AP4E1: variants seen among roughly 807,000 people sequenced by gnomAD.
AP4E1 encodes the protein AP-4 complex subunit epsilon-1.
In AP4E1, 56 loss-of-function variants were observed where a neutral mutation model predicts 128.2. The ratio of observed to expected loss-of-function variants is 0.44; its 90% CI spans 0.35 to 0.55. The LOEUF (loss-of-function observed/expected upper bound fraction) is 0.55. Among genes scored for constraint, AP4E1 ranks in the 20% least tolerant of loss-of-function variants. AP4E1 has a pLI of 0.00. For missense variants in AP4E1, 1,324 were observed against 1,307.7 expected (o/e 1.01, Z -0.19); for synonymous variants, 484 against 473.1 (o/e 1.02, Z -0.30).
intron 1 of AP4E1, among the ~76,000 whole-genome samples, chr15:50,909,960 C>T (rs1294964353): frequency 1.3e-5 from 2 of 150,956 alleles, no homozygotes; most frequent in Non-Finnish European, 2.9e-5. Flanking sequence ...GTTGGGATTA[C>T]GTGCGTGAGC....
chr15:50,936,257 TTAAAG>T (rs1205877406), intron 8 of AP4E1, among the ~76,000 whole-genome samples: 1 of 152,164 alleles, frequency 6.6e-6, no homozygotes, highest in Non-Finnish European at 1.5e-5. Flanking sequence ...TTCCAGTAAG[TTAAAG>T]TAATTTAAAG....
chr15:50,909,916 A>G (rs1279350111), intron 1 of AP4E1, among the ~76,000 whole-genome samples: 1 of 151,828 alleles, frequency 6.6e-6, no homozygotes, highest in African/African-American at 2.4e-5. Context: ...CGATCTCCTG[A>G]CCTCGCGATC....
chr15:50,928,714 GTTT>G (rs10588492), intron 5 of AP4E1, among the ~76,000 whole-genome samples: 138 of 139,646 alleles, frequency 9.9e-4, no homozygotes, highest in African/African-American at 2.9e-3. Flanking sequence ...TGTTTTTCAT[GTTT>G]TTTTTTTTTT....
intron 15 of AP4E1, among the ~76,000 whole-genome samples, chr15:50,979,799 A>T (rs758130721): frequency 2.0e-5 from 3 of 152,174 alleles, no homozygotes; most frequent in Non-Finnish European, 4.4e-5. Context: ...TGCTGGAATT[A>T]CCACCCGGCC....
intron 17 of AP4E1, among the ~76,000 whole-genome samples, chr15:50,994,832 A>G (rs1471716267): frequency 6.6e-6 from 1 of 152,216 alleles, no homozygotes; most frequent in African/African-American, 2.4e-5. Context: ...TTAGGAGAAC[A>G]TTCAGGGTGA....
At chr15:50,913,466 G>T (rs1214457452) in intron 2 of AP4E1, among the ~76,000 whole-genome samples, 1 of 152,210 alleles carries the variant, frequency 6.6e-6, no homozygotes, top group Non-Finnish European at 1.5e-5. Context: ...GAGTTTGAAA[G>T]GAAGGTTTTA....
intron 8 of AP4E1, among the ~76,000 whole-genome samples, chr15:50,936,380 A>G (rs1322287474): frequency 6.6e-6 from 1 of 151,648 alleles, no homozygotes; most frequent in Non-Finnish European, 1.5e-5. Flanking sequence ...TCCCTTGCAG[A>G]AAGTTTTTTT....
At chr15:50,982,117 C>T (rs1424768697) in intron 15 of AP4E1, among the ~76,000 whole-genome samples, 1 of 137,466 alleles carries the variant, frequency 7.3e-6, no homozygotes, top group Non-Finnish European at 1.6e-5. Flanking sequence ...AAAGCAAGTT[C>T]AGCCCTCTCT....
At chr15:50,922,457 T>C (rs1474453438) in intron 3 of AP4E1, among the ~76,000 whole-genome samples, 1 of 152,090 alleles carries the variant, frequency 6.6e-6, no homozygotes, top group Non-Finnish European at 1.5e-5. Flanking sequence ...CTAGTGAAGG[T>C]GTTGGAATTG....
At chr15:50,998,965 A>T in intron 18 of AP4E1, 107 bp from the exon 19 acceptor site, 1 of 1,040,380 alleles carries the variant, frequency 9.6e-7, no homozygotes, top group Non-Finnish European at 1.5e-6. Flanking sequence ...TTAACTTCCC[A>T]TATTAGTATG....
intron 7 of AP4E1, among the ~76,000 whole-genome samples, chr15:50,932,613 A>G (rs2063849569): frequency 3.3e-5 from 5 of 152,182 alleles, no homozygotes; most frequent in Admixed American, 3.3e-4. Flanking sequence ...CCTTTTATAT[A>G]GTAGGGTACC....
At chr15:50,968,167 T>A (rs1262194189) in intron 14 of AP4E1, 96 bp from the exon 15 acceptor site, 3 of 887,846 alleles carry the variant, frequency 3.4e-6, no homozygotes, top group African/African-American at 3.4e-5. Flanking sequence ...TTTAGAATTT[T>A]AAAAAATATA....
At chr15:50,964,716 C>T (rs147718092) in intron 14 of AP4E1, among the ~76,000 whole-genome samples, 1 of 152,082 alleles carries the variant, frequency 6.6e-6, no homozygotes, top group Non-Finnish European at 1.5e-5. Context: ...GTATATTTTC[C>T]AGATGATTTC....
At position 51,001,052 on chromosome 15, in the gene AP4E1, T is replaced by C; in HGVS notation, c.3122T>C (p.Phe1041Ser). Reference sequence around the variant, plus strand: ...CCATTAAAAATCTCAAGTGACGACTTTGGGAAACTCTGGTTATCCTTCGCA... The same window carrying C: ...CCATTAAAAATCTCAAGTGACGACTCTGGGAAACTCTGGTTATCCTTCGCA... ...IRPLKISSDD[F>S]GKLWLSFAND... Residue 1041 changes from phenylalanine (F) to serine (S), a missense_variant, in exon 20 of 21, where the codon TTT (phenylalanine) becomes TCT (serine). Phe to Ser is a radical substitution (Grantham distance 155). Coordinates refer to ENST00000261842, the MANE Select transcript of AP4E1 (RefSeq NM_007347.5). The C allele has an allele frequency of 2.5e-6, 4 of 1,613,088 alleles. No homozygotes were observed. Among genetic ancestry groups the C allele is most frequent in the Non-Finnish European group, 3.4e-6 (4 of 1,179,356 alleles).
chr15:50,911,134 C>T (rs993453235), intron 1 of AP4E1, among the ~76,000 whole-genome samples: 1 of 152,112 alleles, frequency 6.6e-6, no homozygotes, highest in Non-Finnish European at 1.5e-5. Flanking sequence ...GAATAGCCAT[C>T]TGATGAACAT....
At chr15:50,974,926 T>C (rs1461005170) in intron 15 of AP4E1, among the ~76,000 whole-genome samples, 1 of 152,198 alleles carries the variant, frequency 6.6e-6, no homozygotes, top group Admixed American at 6.5e-5. Context: ...GGTTAACCCT[T>C]ACCAGAAATG....
intron 1 of AP4E1, among the ~76,000 whole-genome samples, chr15:50,911,483 T>TTTTG (rs2063566078): frequency 6.8e-6 from 1 of 146,778 alleles, no homozygotes; most frequent in Non-Finnish European, 1.5e-5. Flanking sequence ...CCTTTAATTT[T>TTTTG]TTTTTTTTTT....
At chr15:50,928,867 T>C in intron 5 of AP4E1, 142 bp from the exon 6 acceptor site, 1 of 832,902 alleles carries the variant, frequency 1.2e-6, no homozygotes. Flanking sequence ...AATAAATAAA[T>C]TAATCACAAA....
At chr15:50,953,231 C>G (rs143518987) in intron 13 of AP4E1, among the ~76,000 whole-genome samples, 1 of 152,116 alleles carries the variant, frequency 6.6e-6, no homozygotes, top group Non-Finnish European at 1.5e-5. Flanking sequence ...TTATTGGTTT[C>G]TGTGGCCATT....
Sources: gnomAD v4.1 joint callset for allele counts (sites outside exome capture counted in the v4.1 genomes callset) on GRCh38, gnomAD v4.1.1 for gene constraint, MANE v1.5 for transcripts, NCBI Gene and HGNC (gene_info 2026-07-23, HGNC 2026-07-21) for gene names.